The following SPATA12 variants were observed in gnomAD, a reference collection of about 807,000 sequenced individuals.
SPATA12 encodes the protein spermatogenesis-associated protein 12.
For missense variants in SPATA12, 219 were observed against 226.4 expected (o/e 0.97, Z 0.21); for synonymous variants, 85 against 89.2 (o/e 0.95, Z 0.26).
intron 1 of SPATA12, among the ~76,000 whole-genome samples, chr3:57,072,681 G>A (rs1705980253): frequency 6.8e-6 from 1 of 146,934 alleles, no homozygotes; most frequent in Non-Finnish European, 1.5e-5. Context: ...GGCAGAGGTT[G>A]CAGTGAGCTG....
At chr3:57,070,333 C>T (rs1364845415) in intron 1 of SPATA12, among the ~76,000 whole-genome samples, 1 of 146,072 alleles carries the variant, frequency 6.8e-6, no homozygotes, top group African/African-American at 2.8e-5. Context: ...ATGTCTTACC[C>T]AAGCCTTAAA....
chr3:57,067,344 ACTCG>A (rs888468147), intron 1 of SPATA12, among the ~76,000 whole-genome samples: 2 of 151,522 alleles, frequency 1.3e-5, no homozygotes, highest in African/African-American at 4.8e-5. Flanking sequence ...ACTCCCAGTT[ACTCG>A]GGAGGCTGAG....
At chr3:57,063,643 G>A (rs1026956447) in intron 1 of SPATA12, among the ~76,000 whole-genome samples, 5 of 152,176 alleles carry the variant, frequency 3.3e-5, no homozygotes, top group Admixed American at 6.5e-5. Context: ...CAGGAGAGTC[G>A]GGCATCCTAG....
chr3:57,064,077 G>T (rs1270767076), intron 1 of SPATA12, among the ~76,000 whole-genome samples: 1 of 152,078 alleles, frequency 6.6e-6, no homozygotes, highest in East Asian at 1.9e-4. Context: ...GACCAGCCTG[G>T]GCAACATGGC....
chr3:57,066,171 T>C (rs1212451174), intron 1 of SPATA12, among the ~76,000 whole-genome samples: 1 of 152,166 alleles, frequency 6.6e-6, no homozygotes, highest in South Asian at 2.1e-4. Context: ...GGGACTTATT[T>C]TGCAGTCAAT....
intron 1 of SPATA12, among the ~76,000 whole-genome samples, chr3:57,065,946 T>C (rs980759462): frequency 1.3e-5 from 2 of 151,726 alleles, no homozygotes; most frequent in African/African-American, 4.8e-5. Flanking sequence ...CTGGGCACAG[T>C]AATTCACATC....
rs1446759105 is a variant in SPATA12, at chr3:57,073,669, A to C, written c.-26A>C. The C allele has an allele frequency of 4.4e-6, 7 of 1,592,680 alleles. No individual in the cohort carries two copies. The highest frequency in any genetic ancestry group is 6.0e-6 in the Non-Finnish European group (7 of 1,169,692). The stretch of plus-strand genomic sequence containing the variant: ...CAAGTGCCCCAGCCTCCTTTTCTGG[A>C]GAATTCTGTTTTTGACTTGGGCCCC... On this transcript the variant is annotated 5_prime_UTR_variant, in exon 2 of 2. Coordinates refer to ENST00000334325, the MANE Select transcript of SPATA12 (RefSeq NM_181727.2).
At chr3:57,066,354 C>G (rs1368060996) in intron 1 of SPATA12, among the ~76,000 whole-genome samples, 1 of 152,048 alleles carries the variant, frequency 6.6e-6, no homozygotes, top group African/African-American at 2.4e-5. Flanking sequence ...CTCCGCCTCC[C>G]AGGTTCAAGC....
intron 1 of SPATA12, among the ~76,000 whole-genome samples, chr3:57,064,880 G>A (rs1326917193): frequency 3.3e-5 from 5 of 152,126 alleles, no homozygotes; most frequent in Admixed American, 6.6e-5. Context: ...ATCAGTATAC[G>A]CAACACTACT....
At chr3:57,068,189 A>ACC (rs1705677728) in intron 1 of SPATA12, among the ~76,000 whole-genome samples, 3 of 150,734 alleles carry the variant, frequency 2.0e-5, no homozygotes, top group Admixed American at 6.6e-5. Flanking sequence ...ACACACACAC[A>ACC]CCAGGTTACC....
At chr3:57,065,821 A>G (rs1393988735) in intron 1 of SPATA12, among the ~76,000 whole-genome samples, 2 of 152,114 alleles carry the variant, frequency 1.3e-5, no homozygotes, top group East Asian at 3.8e-4. Context: ...ATTAGCACAC[A>G]CAGCCCCCTA....
At chr3:57,061,872 CCTT>C (rs1381413513) in intron 1 of SPATA12, among the ~76,000 whole-genome samples, 1 of 152,190 alleles carries the variant, frequency 6.6e-6, no homozygotes, top group African/African-American at 2.4e-5. Context: ...GAGAGGTCCT[CCTT>C]CTCAGATGGC....
rs1016256455 is a variant in SPATA12 at position 57,065,240 on chromosome 3, T to C, written c.-330+4454T>C. On this transcript the variant is annotated intron_variant, in intron 1 of 1. Transcript: ENST00000334325. Reference sequence around the variant, plus strand: ...ACTTCGGGAGGCCGAGGCGGGCAGATAACTTGAGGTCAGGAGTTCGACACC... The same window carrying C: ...ACTTCGGGAGGCCGAGGCGGGCAGACAACTTGAGGTCAGGAGTTCGACACC... Among the ~76,000 whole-genome samples, 58 of 152,180 alleles carry C rather than the reference T, an allele frequency of 3.8e-4. 2 individuals carry two copies. The highest frequency in any genetic ancestry group is 5.9e-5 in the Non-Finnish European group (4 of 68,032).
chr3:57,064,931 G>A (rs1215322766), intron 1 of SPATA12, among the ~76,000 whole-genome samples: 2 of 152,170 alleles, frequency 1.3e-5, no homozygotes, highest in South Asian at 4.1e-4. Flanking sequence ...TAAATTTTAC[G>A]TTATGTGTGT....
chr3:57,064,196 G>A (rs182185605), intron 1 of SPATA12, among the ~76,000 whole-genome samples: 14 of 152,322 alleles, frequency 9.2e-5, no homozygotes, highest in Admixed American at 9.1e-4. Context: ...TTGAGCCTGG[G>A]GGGTAGAGGT....
rs1706058087 is a variant in SPATA12 at position 57,073,672 on chromosome 3, A to G, written c.-23A>G. 6.3e-7 allele frequency: 1 copy of G among 1,595,786 alleles called. No individual in the cohort carries two copies. The highest frequency in any genetic ancestry group is 1.1e-5 in the South Asian group (1 of 88,248). ...GTGCCCCAGCCTCCTTTTCTGGAGA[A>G]TTCTGTTTTTGACTTGGGCCCCATG... On this transcript the variant is annotated 5_prime_UTR_variant, in exon 2 of 2. Transcript: ENST00000334325.
intron 1 of SPATA12, among the ~76,000 whole-genome samples, chr3:57,065,192 C>T (rs900966002): frequency 3.9e-5 from 6 of 152,130 alleles, no homozygotes; most frequent in South Asian, 4.1e-4. Context: ...CAGTGGCTCA[C>T]GCCTCACGCC....
intron 1 of SPATA12, among the ~76,000 whole-genome samples, chr3:57,066,616 G>A (rs532246314): frequency 1.4e-4 from 21 of 152,302 alleles, no homozygotes; most frequent in Middle Eastern, 3.4e-3. Context: ...TACCCACTGT[G>A]ATGATTAATT....
chr3:57,068,166 CAT>C (rs1379447230), intron 1 of SPATA12, among the ~76,000 whole-genome samples: 1 of 53,526 alleles, frequency 1.9e-5, no homozygotes, highest in African/African-American at 6.7e-5. Flanking sequence ...CGCACACACA[CAT>C]ACACACACAC....
Sources: gnomAD v4.1 joint callset for allele counts (sites outside exome capture counted in the v4.1 genomes callset) on GRCh38, gnomAD v4.1.1 for gene constraint, MANE v1.5 for transcripts, NCBI Gene and HGNC (gene_info 2026-07-23, HGNC 2026-07-21) for gene names.